Variants in GPR157 observed in about 807,000 individuals in gnomAD.
GPR157 encodes G-protein coupled receptor 157.
Under a neutral mutation model 23.5 loss-of-function variants are expected in GPR157, and 16 were observed. The ratio of observed to expected loss-of-function variants is 0.68; its 90% CI spans 0.46 to 1.04. GPR157 has a LOEUF of 1.04. Among genes scored for constraint, GPR157 ranks in the 50% least tolerant of loss-of-function variants. The probability of loss-of-function intolerance (pLI) is 0.00; values close to 1 mark genes in which losing one functional copy is unlikely to be tolerated. For synonymous variants in GPR157, 200 were observed against 221.5 expected (o/e 0.90, Z 0.86); for missense variants, 440 against 460.7 (o/e 0.96, Z 0.41).
At chr1:9,123,546 A>G (rs1279891115) in intron 1 of GPR157, among the ~76,000 whole-genome samples, 2 of 15,162 alleles carry the variant, frequency 1.3e-4, no homozygotes, top group Non-Finnish European at 2.3e-4. Context: ...AAATATATCT[A>G]ATTTAAATAT....
chr1:9,113,452 G>T (rs1379033046), intron 1 of GPR157, among the ~76,000 whole-genome samples: 1 of 152,166 alleles, frequency 6.6e-6, no homozygotes, highest in African/African-American at 2.4e-5. Context: ...CAGTTCCCTG[G>T]GACTGGGAAG....
chr1:9,116,292 A>AATAT (rs1638663357), intron 1 of GPR157, among the ~76,000 whole-genome samples: 268 of 6,826 alleles, frequency 0.039, no homozygotes, highest in East Asian at 0.056. Context: ...AATTATATAT[A>AATAT]AATTATATAT....
chr1:9,105,505 G>C lies in GPR157; in HGVS notation c.773C>G (p.Pro258Arg), dbSNP rs142301285. The change falls in exon 3 of 4, where the codon CCG becomes CGG. Residue 258 changes from proline to arginine, a missense_variant. Coordinates refer to ENST00000377411, the MANE Select transcript of GPR157 (RefSeq NM_024980.5). The surrounding 1 kb of genome is among the most constrained non-coding windows in gnomAD (Gnocchi z 4.8). ...ACCTACATGCAGAACCACCAGCACCGGCGTCTGCACGGCCGGGGAGCCACA... is the reference window on the plus strand; with the variant it reads ...ACCTACATGCAGAACCACCAGCACCCGCGTCTGCACGGCCGGGGAGCCACA... The part of the protein sequence containing the change: ...TLCGSPAVQT[P>R]VLVVLHGIGN... 6.3e-7 allele frequency: 1 copy of C among 1,575,390 alleles called. No individual in the cohort carries two copies. Among genetic ancestry groups the C allele is most frequent in the South Asian group, 1.2e-5 (1 of 85,958 alleles).
intron 1 of GPR157, among the ~76,000 whole-genome samples, chr1:9,117,805 CA>C (rs200811303): frequency 1.7e-4 from 26 of 151,540 alleles, no homozygotes; most frequent in Admixed American, 2.0e-4. Flanking sequence ...CACAAAAAAA[CA>C]AAAAAAACCC....
chr1:9,116,166 TATA>T lies in GPR157; in HGVS notation c.384-4680_384-4678del, dbSNP rs547802650. On this transcript the variant is annotated intron_variant, in intron 1 of 3. Coordinates refer to ENST00000377411, the MANE Select transcript of GPR157 (RefSeq NM_024980.5). ...TATATTATATTATATATATATATAA[TATA>T]ATTATATATATTATATATATAATAT... is the stretch of plus-strand genomic sequence containing the variant. 1.1e-3 allele frequency among the ~76,000 whole-genome samples: 17 copies of T among 14,938 alleles called. No individual in the cohort carries two copies. The East Asian group carries it at 0.032, about 29-fold the overall frequency. The allele number at this position is 14,938 out of a possible 152,430, so 9.8% of individuals were successfully genotyped here. A position where few individuals can be genotyped will look rare whatever the true frequency, so the allele number is the denominator to read the frequency against.
At chr1:9,119,820 C>T (rs185215420) in intron 1 of GPR157, among the ~76,000 whole-genome samples, 8 of 152,280 alleles carry the variant, frequency 5.3e-5, no homozygotes, top group Admixed American at 5.2e-4. Flanking sequence ...TAAGTGTCCT[C>T]CAGAGAAAGG....
In GPR157 at chr1:9,125,003, G is replaced by A. The variant is rs149895642; in HGVS notation, c.383+3642C>T. On this transcript the variant is annotated intron_variant, in intron 1 of 3. Coordinates refer to ENST00000377411, the MANE Select transcript of GPR157 (RefSeq NM_024980.5). The stretch of plus-strand genomic sequence containing the variant: ...ATATCCAGTGCATTGTTGGCACCGC[G>A]GGCGACCCCCCTGTTGGACCCAGCT... 4.9e-3 allele frequency among the ~76,000 whole-genome samples: 744 copies of A among 152,050 alleles called. 9 individuals are homozygous for A. The highest frequency in any genetic ancestry group is 0.02 in the Admixed American group (311 of 15,244).
chr1:9,107,063 C>T (rs1638358426), intron 2 of GPR157, among the ~76,000 whole-genome samples: 1 of 152,218 alleles, frequency 6.6e-6, no homozygotes. Context: ...CTGTTTCCCA[C>T]AGTTTGTCTC....
rs578091550 is a variant in GPR157, at chr1:9,125,098, T to C, written c.383+3547A>G. Reference sequence around the variant, plus strand: ...GCCTGGGAACAAAGAGAGAGCCCCATTGCATTGCCGGCTGCTGGCCAGATC... The same window carrying C: ...GCCTGGGAACAAAGAGAGAGCCCCACTGCATTGCCGGCTGCTGGCCAGATC... On this transcript the variant is annotated intron_variant, in intron 1 of 3. Coordinates refer to ENST00000377411, the MANE Select transcript of GPR157 (RefSeq NM_024980.5). Among the ~76,000 whole-genome samples, 9 of 152,310 alleles carry C rather than the reference T, an allele frequency of 5.9e-5. No homozygotes were observed. The East Asian group carries it at 7.7e-4, about 13-fold the overall frequency.
intron 1 of GPR157, 25 bp from the exon 2 acceptor site, chr1:9,111,514 C>T: frequency 6.3e-7 from 1 of 1,598,834 alleles, no homozygotes; most frequent in South Asian, 1.1e-5. Context: ...GAGAAAGAGG[C>T]ATCGGGGTCA....
At chr1:9,127,531 T>C (rs574248980) in intron 1 of GPR157, among the ~76,000 whole-genome samples, 3 of 152,356 alleles carry the variant, frequency 2.0e-5, no homozygotes, top group Admixed American at 2.0e-4. Flanking sequence ...CTATTCCATC[T>C]GCAGCATCTG....
At chr1:9,126,914 CT>C (rs977276720) in intron 1 of GPR157, among the ~76,000 whole-genome samples, 23 of 148,414 alleles carry the variant, frequency 1.5e-4, no homozygotes, top group Non-Finnish European at 1.6e-4. Context: ...AAATTTTTTT[CT>C]TTTTTTTTTG....
chr1:9,128,546 A>C lies in GPR157; in HGVS notation c.383+99T>G. The C allele has an allele frequency of 2.7e-6, 3 of 1,103,136 alleles. No homozygotes were observed. Among genetic ancestry groups the C allele is most frequent in the Non-Finnish European group, 4.0e-6 (3 of 744,588 alleles). The allele number at this position is 1,103,136 out of a possible 1,614,324, so 68.3% of individuals were successfully genotyped here. ...CCAGCAGGCACTGCTTGCTGTGGGT[A>C]GGGGGTGTCCAACCTAGACGCGGCC... is the stretch of plus-strand genomic sequence containing the variant. On this transcript the variant is annotated intron_variant, in intron 1 of 3. Transcript: ENST00000377411. The surrounding 1 kb of genome is among the most constrained non-coding windows in gnomAD (Gnocchi z 6.3).
chr1:9,107,491 T>C (rs1359684092), intron 2 of GPR157, among the ~76,000 whole-genome samples: 3 of 151,778 alleles, frequency 2.0e-5, no homozygotes, highest in Non-Finnish European at 4.4e-5. Context: ...ATTTAAAAAT[T>C]AGCTGGGCAT....
chr1:9,107,166 AG>A (rs1467996147), intron 2 of GPR157, among the ~76,000 whole-genome samples: 1 of 152,104 alleles, frequency 6.6e-6, no homozygotes, highest in African/African-American at 2.4e-5. Flanking sequence ...CTCCCTGCAC[AG>A]GGAGGGCCTG....
chr1:9,111,609 G>A (rs1638498921), intron 1 of GPR157, 120 bp from the exon 2 acceptor site: 2 of 730,510 alleles, frequency 2.7e-6, no homozygotes, highest in Non-Finnish European at 2.3e-6. Flanking sequence ...AGCCTGGATG[G>A]CACAGTGGCC....
At position 9,111,129 on chromosome 1, in the gene GPR157, A is replaced by C. The variant is rs1638480782; in HGVS notation, c.597+147T>G. 3 of 719,742 alleles carry C rather than the reference A, an allele frequency of 4.2e-6. No homozygotes were observed. The East Asian group carries it at 8.1e-5, about 19-fold the overall frequency. The allele number at this position is 719,742 out of a possible 1,614,324, so 44.6% of individuals were successfully genotyped here. A position where few individuals can be genotyped will look rare whatever the true frequency, so the allele number is the denominator to read the frequency against. On this transcript the variant is annotated intron_variant, in intron 2 of 3. Transcript: ENST00000377411. ...GCGTGTTGCATGGTGTCTGGTGCAC[A>C]GTAAGTGCCTGGTCCCCTCTGGCCC...
rs151037117 is a variant in GPR157, at chr1:9,105,003, A to G, written c.793-369T>C. Among the ~76,000 whole-genome samples the G allele has an allele frequency of 1.8e-5, 2 of 109,468 alleles. No homozygotes were observed. Among genetic ancestry groups the G allele is most frequent in the African/African-American group, 3.5e-5 (1 of 28,666 alleles). 71.8% of individuals were successfully genotyped at this position (109,468 alleles called of 152,430 possible). A position where few individuals can be genotyped will look rare whatever the true frequency, so the allele number is the denominator to read the frequency against. ...TGACAAAGCCAGACTCTGTCCCCGC[A>G]CCCCCCCCCAAAAAAGAGAAATGGC... On this transcript the variant is annotated intron_variant, in intron 3 of 3. Coordinates refer to ENST00000377411, the MANE Select transcript of GPR157 (RefSeq NM_024980.5). This position sits in a 1 kb window ranked among gnomAD's most constrained non-coding sequence, Gnocchi z 4.8.
intron 1 of GPR157, among the ~76,000 whole-genome samples, chr1:9,122,885 G>A (rs368330081): frequency 5.3e-5 from 8 of 151,880 alleles, no homozygotes; most frequent in South Asian, 4.2e-4. Context: ...GGCCAGCTGC[G>A]GTGGCTCACA....
Sources: allele counts gnomAD v4.1 joint callset (sites outside exome capture counted in the v4.1 genomes callset), GRCh38; gene constraint gnomAD v4.1.1; non-coding constraint Gnocchi (gnomAD v3.1); transcripts MANE v1.5; gene names NCBI Gene and HGNC (gene_info 2026-07-23, HGNC 2026-07-21).